NEBL: variants seen among roughly 807,000 people sequenced by gnomAD.
The protein encoded by NEBL is LIM and SH3 protein 2.
A neutral mutation model predicts 140.2 loss-of-function variants in NEBL; 122 were observed. The ratio of observed to expected loss-of-function variants is 0.87; its 90% CI spans 0.75 to 1.01. NEBL has a LOEUF of 1.01. NEBL is among the 50% of genes least tolerant of loss of function. The probability of loss-of-function intolerance (pLI) is 0.00; values close to 1 mark genes in which losing one functional copy is unlikely to be tolerated. For synonymous variants in NEBL, 436 were observed against 398.9 expected, an observed-to-expected ratio of 1.09 and a Z score of -1.11; for missense variants, 1,365 against 1,231.3, an observed-to-expected ratio of 1.11 and a Z score of -1.62.
rs1838647030 is a variant in NEBL, at chr10:21,018,440, C to T, written c.249+1677G>A. 2.0e-5 allele frequency among the ~76,000 whole-genome samples: 3 copies of T among 152,112 alleles called. No individual in the cohort carries two copies. The South Asian group carries it at 6.2e-4, about 32-fold the overall frequency. ...GTGTGAATGAACAGAGGTGTTCTTG[C>T]CGGCCTCCATAATAGTGTCTCTCTT... On this transcript the variant is annotated intron_variant, in intron 3 of 6. Transcript: ENST00000417816.
At position 20,890,109 on chromosome 10, in the gene NEBL, C is replaced by A. The variant is rs917211462; in HGVS notation, c.154-160G>T. Among the ~76,000 whole-genome samples, 10 of 152,248 alleles carry A rather than the reference C, an allele frequency of 6.6e-5. No homozygotes were observed. The East Asian group carries it at 1.9e-3, about 29-fold the overall frequency. On this transcript the variant is annotated intron_variant, in intron 2 of 27. Coordinates refer to ENST00000377122, the MANE Select transcript of NEBL (RefSeq NM_006393.3). The stretch of plus-strand genomic sequence containing the variant: ...CCAAGTTAAATAAACGGCTATCCAG[C>A]ACAGGATTGCAAAGATGATGAGGCA...
intron 2 of NEBL, among the ~76,000 whole-genome samples, chr10:21,024,572 A>G (rs955018353): frequency 2.0e-4 from 31 of 152,136 alleles, no homozygotes; most frequent in South Asian, 4.1e-4. Context: ...AGTTGAGACC[A>G]TAAGACTCAG....
chr10:21,189,546 A>G (rs1253466799), intron 3 of NEBL, among the ~76,000 whole-genome samples: 1 of 151,590 alleles, frequency 6.6e-6, no homozygotes, highest in Non-Finnish European at 1.5e-5. Context: ...CTCACTGCAA[A>G]CTCTGCCTCC....
intron 3 of NEBL, among the ~76,000 whole-genome samples, chr10:21,208,182 G>T (rs530051374): frequency 1.3e-5 from 2 of 152,310 alleles, no homozygotes; most frequent in South Asian, 2.1e-4. Context: ...ATTGGTCAAG[G>T]TAAGATGGAT....
At chr10:21,192,358 A>AT (rs1841587400) in intron 3 of NEBL, among the ~76,000 whole-genome samples, 1 of 151,190 alleles carries the variant, frequency 6.6e-6, no homozygotes, top group Non-Finnish European at 1.5e-5. Context: ...CGCCTGGCTA[A>AT]TTTTTTTATA....
intron 3 of NEBL, among the ~76,000 whole-genome samples, chr10:20,996,190 A>G (rs1837658398): frequency 6.6e-6 from 1 of 152,182 alleles, no homozygotes; most frequent in Non-Finnish European, 1.5e-5. Flanking sequence ...ATGTGCCACT[A>G]CGATGTGATA....
At chr10:20,826,770 C>T (rs1282035298) in intron 17 of NEBL, among the ~76,000 whole-genome samples, 1 of 152,122 alleles carries the variant, frequency 6.6e-6, no homozygotes, top group Non-Finnish European at 1.5e-5. Flanking sequence ...AGGTCTAGAC[C>T]ACTACCATGG....
intron 1 of NEBL, among the ~76,000 whole-genome samples, chr10:21,285,198 G>A (rs1588600777): frequency 6.6e-6 from 1 of 152,112 alleles, no homozygotes; most frequent in Non-Finnish European, 1.5e-5. Context: ...TGCCATTATC[G>A]AGTAGATCAT....
chr10:20,924,220 G>A (rs754932651), intron 4 of NEBL, among the ~76,000 whole-genome samples: 22 of 151,964 alleles, frequency 1.4e-4, no homozygotes, highest in Admixed American at 5.2e-4. Flanking sequence ...AGGGGCCAGG[G>A]ATGCTTCCAA....
chr10:20,845,924 T>C (rs1022808830), intron 11 of NEBL, among the ~76,000 whole-genome samples: 4 of 152,182 alleles, frequency 2.6e-5, no homozygotes, highest in African/African-American at 7.2e-5. Context: ...CTCTACCATC[T>C]ATGGTGTTTG....
intron 1 of NEBL, among the ~76,000 whole-genome samples, chr10:21,287,355 G>A (rs1843070241): frequency 5.3e-5 from 8 of 152,088 alleles, no homozygotes; most frequent in Admixed American, 2.6e-4. Context: ...GGGCAACATG[G>A]TAAAACCCCA....
intron 1 of NEBL, among the ~76,000 whole-genome samples, chr10:21,252,339 A>G (rs920927042): frequency 2.6e-5 from 4 of 152,248 alleles, no homozygotes; most frequent in African/African-American, 9.6e-5. Context: ...GTGGAAAATC[A>G]CACAAGCACT....
rs75017280 is a variant in NEBL at position 20,841,409 on chromosome 10, T to C, written c.1228-560A>G. 2.4e-3 allele frequency: 367 copies of C among 155,286 alleles called. 12 individuals are homozygous for C. The East Asian group carries it at 0.052, about 22-fold the overall frequency. The allele number at this position is 155,286 out of a possible 1,614,324, so 9.6% of individuals were successfully genotyped here. A position where few individuals can be genotyped will look rare whatever the true frequency, so the allele number is the denominator to read the frequency against. The stretch of plus-strand genomic sequence containing the variant: ...ATTACTTGGGCTCACCACAGCCTGA[T>C]AGATGGTACTTGAAAGCAGATACTT... On this transcript the variant is annotated intron_variant, in intron 12 of 27. Transcript: ENST00000377122.
intron 4 of NEBL, among the ~76,000 whole-genome samples, chr10:20,881,158 C>T (rs765918368): frequency 6.6e-6 from 1 of 152,102 alleles, no homozygotes; most frequent in South Asian, 2.1e-4. Flanking sequence ...ATTCATCTAG[C>T]TTAAACCTCG....
At chr10:21,269,476 A>G (rs761950969) in intron 1 of NEBL, among the ~76,000 whole-genome samples, 1 of 152,202 alleles carries the variant, frequency 6.6e-6, no homozygotes, top group Non-Finnish European at 1.5e-5. Flanking sequence ...TCTTCTTCGC[A>G]CTCTAAAGAC....
intron 8 of NEBL, 36 bp downstream of exon 8, chr10:20,859,677 G>A: frequency 7.4e-7 from 1 of 1,345,058 alleles, no homozygotes; most frequent in Admixed American, 1.7e-5. Context: ...AGAATCAAAA[G>A]ATTTTGAAAA....
chr10:20,951,807 T>C (rs1170060725), intron 4 of NEBL, among the ~76,000 whole-genome samples: 1 of 152,234 alleles, frequency 6.6e-6, no homozygotes, highest in African/African-American at 2.4e-5. Flanking sequence ...ACTGTGGCTA[T>C]GTCCCAAAAG....
chr10:20,947,535 A>G (rs1031893509), intron 4 of NEBL, among the ~76,000 whole-genome samples: 4 of 152,188 alleles, frequency 2.6e-5, no homozygotes, highest in Non-Finnish European at 5.9e-5. Context: ...TTAACTTCTA[A>G]AGATATAATT....
At chr10:20,821,330 TG>T (rs1460691953) in intron 19 of NEBL, among the ~76,000 whole-genome samples, 1 of 152,130 alleles carries the variant, frequency 6.6e-6, no homozygotes, top group Admixed American at 6.6e-5. Flanking sequence ...TTTCAAGAGG[TG>T]AATGGCTTAC....
Sources: gnomAD v4.1 joint callset for allele counts (sites outside exome capture counted in the v4.1 genomes callset) on GRCh38, gnomAD v4.1.1 for gene constraint, MANE v1.5 for transcripts, NCBI Gene and HGNC (gene_info 2026-07-23, HGNC 2026-07-21) for gene names.